GUCY1A2: variants seen among roughly 807,000 people sequenced by gnomAD.
The protein encoded by GUCY1A2 is guanylate cyclase soluble subunit alpha-2.
A neutral mutation model predicts 63.5 loss-of-function variants in GUCY1A2; 27 were observed. That is an observed-to-expected ratio of 0.43 (90% confidence interval 0.31 to 0.59). The LOEUF (loss-of-function observed/expected upper bound fraction) is 0.59, where lower values mean the gene tolerates loss of function less well. Ranked by LOEUF, GUCY1A2 falls within the 20% of genes least tolerant of loss-of-function variation. The pLI, the probability that GUCY1A2 is intolerant of heterozygous loss-of-function variation, is 0.11. For missense variants in GUCY1A2, 768 were observed against 913.3 expected (o/e 0.84, Z 2.05); for synonymous variants, 364 against 343.5 (o/e 1.06, Z -0.66).
At chr11:107,001,699 C>T (rs986132304) in intron 1 of GUCY1A2, among the ~76,000 whole-genome samples, 2 of 151,864 alleles carry the variant, frequency 1.3e-5, no homozygotes, top group Non-Finnish European at 2.9e-5. Context: ...AAAATCTTTA[C>T]ATTCACTCTA....
chr11:106,738,924 G>A (rs1050104711), intron 6 of GUCY1A2, among the ~76,000 whole-genome samples: 4 of 152,072 alleles, frequency 2.6e-5, no homozygotes, highest in Non-Finnish European at 5.9e-5. Flanking sequence ...TTCTAATTCT[G>A]TGAAGAAAGT....
chr11:106,824,898 C>A, intron 4 of GUCY1A2: 1 of 1,612,148 alleles, frequency 6.2e-7, no homozygotes, highest in Non-Finnish European at 8.5e-7. Flanking sequence ...TGCAAACATG[C>A]TTCAGCAATC....
In GUCY1A2 at chr11:106,978,684, T is replaced by G; in HGVS notation, c.422A>C (p.Asp141Ala). The change falls in exon 3 of 8, where the codon GAC (aspartate) becomes GCC (alanine). Residue 141 changes from aspartate (D) to alanine (A), a missense_variant. Asp to Ala is a moderately radical substitution (Grantham distance 126). This residue lies in a region of GUCY1A2 where 496 missense variants were observed against 486.9 expected (regional missense o/e 1.02). Transcript: ENST00000526355. ...HNISNRCSYA[D>A]HSNKEEIEDV... The stretch of plus-strand genomic sequence containing the variant: ...TTCAATTTCTTCTTTGTTGGAGTGG[T>G]CTGCATAGGAGCATCTGTTAGAGAT... 6.3e-7 allele frequency: 1 copy of G among 1,581,654 alleles called. No homozygotes were observed. The highest frequency in any genetic ancestry group is 1.1e-5 in the South Asian group (1 of 90,386).
chr11:106,792,215 A>G (rs1172404648), intron 5 of GUCY1A2, among the ~76,000 whole-genome samples: 1 of 151,908 alleles, frequency 6.6e-6, no homozygotes, highest in African/African-American at 2.4e-5. Flanking sequence ...GTGAAACCCC[A>G]TCTCTACTAA....
At chr11:106,992,205 T>G (rs1029767716) in intron 1 of GUCY1A2, among the ~76,000 whole-genome samples, 2 of 151,952 alleles carry the variant, frequency 1.3e-5, no homozygotes, top group African/African-American at 4.8e-5. Context: ...ACCAATCAAG[T>G]GAAATAATCA....
At chr11:106,873,970 T>C (rs921591029) in intron 4 of GUCY1A2, among the ~76,000 whole-genome samples, 11 of 152,336 alleles carry the variant, frequency 7.2e-5, no homozygotes, top group Admixed American at 7.2e-4. Flanking sequence ...CTAAGCTTCA[T>C]GTTCAAAGAC....
chr11:106,918,950 G>A (rs188042212), intron 4 of GUCY1A2, among the ~76,000 whole-genome samples: 2 of 152,032 alleles, frequency 1.3e-5, no homozygotes, highest in East Asian at 3.9e-4. Flanking sequence ...ATACTGCCCA[G>A]GTATATAGCC....
intron 6 of GUCY1A2, among the ~76,000 whole-genome samples, chr11:106,771,944 G>A (rs1388421282): frequency 6.6e-6 from 1 of 152,108 alleles, no homozygotes; most frequent in Admixed American, 6.5e-5. Flanking sequence ...AGAATGTATT[G>A]TATAGATAGA....
At chr11:106,821,518 G>T (rs1858903110) in intron 4 of GUCY1A2, among the ~76,000 whole-genome samples, 1 of 152,114 alleles carries the variant, frequency 6.6e-6, no homozygotes, top group African/African-American at 2.4e-5. Flanking sequence ...GGAGATGTGG[G>T]TTCTATTTCT....
intron 3 of GUCY1A2, among the ~76,000 whole-genome samples, chr11:106,974,617 A>G (rs1861238912): frequency 6.6e-6 from 1 of 152,052 alleles, no homozygotes; most frequent in African/African-American, 2.4e-5. Flanking sequence ...TACTAAGAAA[A>G]TATTGTGAGG....
At chr11:107,002,705 A>G (rs1231852769) in intron 1 of GUCY1A2, among the ~76,000 whole-genome samples, 1 of 152,204 alleles carries the variant, frequency 6.6e-6, no homozygotes, top group African/African-American at 2.4e-5. Flanking sequence ...GACATTTCAT[A>G]CCTGATTTGA....
At chr11:106,797,402 A>T (rs1864785823) in intron 5 of GUCY1A2, among the ~76,000 whole-genome samples, 1 of 152,118 alleles carries the variant, frequency 6.6e-6, no homozygotes, top group African/African-American at 2.4e-5. Context: ...GATATCCAGG[A>T]ATTGAACTCA....
intron 4 of GUCY1A2, among the ~76,000 whole-genome samples, chr11:106,843,030 G>A (rs1859221759): frequency 6.6e-6 from 1 of 151,806 alleles, no homozygotes; most frequent in Non-Finnish European, 1.5e-5. Context: ...ATTCAAGGGA[G>A]AAAAAGGTTC....
chr11:106,967,315 C>G (rs1861138544), intron 3 of GUCY1A2, among the ~76,000 whole-genome samples: 1 of 152,122 alleles, frequency 6.6e-6, no homozygotes, highest in African/African-American at 2.4e-5. Flanking sequence ...CCTAGGGTAA[C>G]ACTGTCCTCT....
At chr11:106,700,448 G>C (rs1367451939) in intron 7 of GUCY1A2, among the ~76,000 whole-genome samples, 1 of 152,148 alleles carries the variant, frequency 6.6e-6, no homozygotes, top group African/African-American at 2.4e-5. Flanking sequence ...GAAAGAGATA[G>C]TAAAAAGAAG....
At chr11:106,765,056 T>G (rs1376599480) in intron 6 of GUCY1A2, among the ~76,000 whole-genome samples, 1 of 151,920 alleles carries the variant, frequency 6.6e-6, no homozygotes, top group Non-Finnish European at 1.5e-5. Context: ...ATGCATTTTT[T>G]CCTCTATAAT....
At chr11:106,938,148 C>T (rs1371181936) in intron 4 of GUCY1A2, among the ~76,000 whole-genome samples, 1 of 152,048 alleles carries the variant, frequency 6.6e-6, no homozygotes, top group East Asian at 1.9e-4. Context: ...TCATGTTGGC[C>T]AGGCTGGTCT....
chr11:106,928,994 GA>G (rs1340685775), intron 4 of GUCY1A2, among the ~76,000 whole-genome samples: 1 of 152,166 alleles, frequency 6.6e-6, no homozygotes, highest in Non-Finnish European at 1.5e-5. Flanking sequence ...GAAGGGTTCT[GA>G]ATCATGTTAT....
chr11:106,885,606 G>A (rs538910148), intron 4 of GUCY1A2, among the ~76,000 whole-genome samples: 1 of 152,260 alleles, frequency 6.6e-6, no homozygotes, highest in South Asian at 2.1e-4. Flanking sequence ...GTAGGGGTCA[G>A]TGAATACCAG....
Sources: gnomAD v4.1 joint callset for allele counts (sites outside exome capture counted in the v4.1 genomes callset) on GRCh38, gnomAD v4.1.1 for gene constraint, gnomAD v4.1.1 regional missense constraint, MANE v1.5 for transcripts, NCBI Gene and HGNC (gene_info 2026-07-23, HGNC 2026-07-21) for gene names.